Variants in PLEKHA4 observed in about 807,000 individuals in gnomAD.
The protein encoded by PLEKHA4 is pleckstrin homology domain-containing family A member 4.
In PLEKHA4, 73 loss-of-function variants were observed where a neutral mutation model predicts 94.7. The observed-to-expected ratio is 0.77, with a 90% CI of 0.64 to 0.94. The LOEUF (loss-of-function observed/expected upper bound fraction) is 0.94. Ranked by LOEUF, PLEKHA4 falls within the 40% of genes least tolerant of loss-of-function variation. The pLI is 0.00. For missense variants in PLEKHA4, 1,049 were observed against 1,054.1 expected, an observed-to-expected ratio of 1.00 and a Z score of 0.07; for synonymous variants, 449 against 437.1, an observed-to-expected ratio of 1.03 and a Z score of -0.34.
At chr19:48,857,636 A>G (rs1269687603) in intron 8 of PLEKHA4, 140 bp from the exon 9 acceptor site, 7 of 614,344 alleles carry the variant, frequency 1.1e-5, no homozygotes, top group Non-Finnish European at 2.0e-5. Flanking sequence ...TGCTCTCTGA[A>G]ACATGTGCTG....
intron 5 of PLEKHA4, 50 bp downstream of exon 5, chr19:48,861,351 T>G (rs1476172199): frequency 1.4e-6 from 2 of 1,480,132 alleles, no homozygotes; most frequent in African/African-American, 1.4e-5. Context: ...CTACCCGCCC[T>G]CATCTCCAGT....
rs540978224 is a variant in PLEKHA4, at chr19:48,841,210, C to T, written c.1844G>A (p.Arg615Gln). The T allele has an allele frequency of 1.3e-4, 216 of 1,612,886 alleles. No homozygotes were observed. The highest frequency in any genetic ancestry group is 1.8e-4 in the Non-Finnish European group (207 of 1,179,612). ...CAGTGTCCTTCCCAGGGTGAGAAGC[C>T]GGGGGGAGGTCGGGCGAGGGAAGGG... ...GRPFPRPTSP[R>Q]LLTLGRTLSP... Residue 615 changes from arginine (R) to glutamine (Q), a missense_variant, in exon 17 of 20, where the codon CGG becomes CAG. Arg to Gln is a conservative substitution (Grantham distance 43, BLOSUM62 1). Transcript: ENST00000263265.
At chr19:48,839,414 T>C (rs1055554611) in intron 17 of PLEKHA4, 151 bp from the exon 18 acceptor site, 27 of 476,020 alleles carry the variant, frequency 5.7e-5, no homozygotes, top group Non-Finnish European at 9.9e-5. Context: ...CTGTAGGCAC[T>C]GAATTTTTAA....
chr19:48,864,068 C>A (rs996411843), intron 3 of PLEKHA4, among the ~76,000 whole-genome samples: 6 of 152,274 alleles, frequency 3.9e-5, no homozygotes, highest in Admixed American at 2.6e-4. Context: ...ACTTTGAGAA[C>A]CACTGCTCTG....
Position 48,841,216 on chromosome 19 carries a change from G to GA in PLEKHA4, c.1837dup (p.Ser613PhefsTer19). 1 of 1,613,280 alleles carries GA rather than the reference G, an allele frequency of 6.2e-7. No homozygotes were observed. The highest frequency in any genetic ancestry group is 8.5e-7 in the Non-Finnish European group (1 of 1,179,770). Reference sequence around the variant, plus strand: ...CCTTCCCAGGGTGAGAAGCCGGGGGGAGGTCGGGCGAGGGAAGGGCCGTCC... The same window carrying GA: ...CCTTCCCAGGGTGAGAAGCCGGGGGGAAGGTCGGGCGAGGGAAGGGCCGTCC... On this transcript the variant is annotated frameshift_variant, in exon 17 of 20. Coordinates refer to ENST00000263265, the MANE Select transcript of PLEKHA4 (RefSeq NM_020904.3). LOFTEE classifies it high-confidence loss of function.
At chr19:48,849,094 CAG>C (rs930154533) in intron 13 of PLEKHA4, among the ~76,000 whole-genome samples, 12 of 151,774 alleles carry the variant, frequency 7.9e-5, no homozygotes, top group African/African-American at 2.7e-4. Flanking sequence ...TTAGTAGAGA[CAG>C]AGTTTCACCA....
At position 48,854,079 on chromosome 19, in the gene PLEKHA4, C is replaced by A; in HGVS notation, c.1104G>T (p.Leu368=). 6.2e-7 allele frequency: 1 copy of A among 1,614,166 alleles called. No individual in the cohort carries two copies. Among genetic ancestry groups the A allele is most frequent in the South Asian group, 1.1e-5 (1 of 91,078 alleles). The change falls in exon 11 of 20, where the codon CTG becomes CTT. Residue 368 remains leucine, a synonymous_variant. Coordinates refer to ENST00000263265, the MANE Select transcript of PLEKHA4 (RefSeq NM_020904.3). ...FHQSLETDTL[L]TKLCGQDRLL... ...GCCGGTCCTGCCCGCACAACTTGGT[C>A]AGCAGCGTCTGGAGAAAGGAGAGCG... is the stretch of plus-strand genomic sequence containing the variant.
chr19:48,854,529 G>A (rs1285305171), intron 9 of PLEKHA4, among the ~76,000 whole-genome samples: 2 of 151,352 alleles, frequency 1.3e-5, no homozygotes, highest in Non-Finnish European at 2.9e-5. Context: ...CATCATGCCC[G>A]GCTAATTTTT....
intron 14 of PLEKHA4, among the ~76,000 whole-genome samples, chr19:48,846,897 GAC>G (rs1439360143): frequency 6.6e-6 from 1 of 152,162 alleles, no homozygotes; most frequent in Non-Finnish European, 1.5e-5. Flanking sequence ...TTTTATTTGA[GAC>G]ACAGTCTCGC....
chr19:48,863,515 C>G (rs1293571581), intron 3 of PLEKHA4, among the ~76,000 whole-genome samples: 1 of 151,156 alleles, frequency 6.6e-6, no homozygotes, highest in African/African-American at 2.4e-5. Flanking sequence ...GCTGCAAGCT[C>G]CACCTCCTGG....
chr19:48,861,134 G>T (rs2036622363), intron 5 of PLEKHA4, among the ~76,000 whole-genome samples: 1 of 152,158 alleles, frequency 6.6e-6, no homozygotes, highest in Non-Finnish European at 1.5e-5. Context: ...GTTGAACCCA[G>T]GAGGCGGAGG....
Position 48,837,124 on chromosome 19 carries a change from T to C in PLEKHA4, c.*165A>G. ...AAAGTTCAAAGTTTTAATCCAAATT[T>C]AGACAGTGTTGAGAAAACCAAACTT... On this transcript the variant is annotated 3_prime_UTR_variant, in exon 20 of 20. Coordinates refer to ENST00000263265, the MANE Select transcript of PLEKHA4 (RefSeq NM_020904.3). The surrounding 1 kb of genome is among the most constrained non-coding windows in gnomAD (Gnocchi z 4.3). 2 of 876,334 alleles carry C rather than the reference T, an allele frequency of 2.3e-6. No homozygotes were observed. The allele number at this position is 876,334 out of a possible 1,614,324, so 54.3% of individuals were successfully genotyped here. A position where few individuals can be genotyped will look rare whatever the true frequency, so the allele number is the denominator to read the frequency against.
intron 9 of PLEKHA4, among the ~76,000 whole-genome samples, chr19:48,856,355 G>A (rs1200871749): frequency 3.8e-5 from 5 of 131,584 alleles, no homozygotes; most frequent in East Asian, 1.9e-4. Context: ...AGGCCGAGGC[G>A]GGCAGATCAC....
At chr19:48,865,162 G>T (rs2123185964) in intron 3 of PLEKHA4, among the ~76,000 whole-genome samples, 1 of 152,108 alleles carries the variant, frequency 6.6e-6, no homozygotes, top group South Asian at 2.1e-4. Context: ...TGGCCAACAT[G>T]ATAAAACCCC....
rs763288404 is a variant in PLEKHA4 at position 48,837,302 on chromosome 19, T to C, written c.2327A>G (p.Gln776Arg). The change falls in exon 20 of 20, where the codon CAA (glutamine) becomes CGA (arginine). Residue 776 changes from glutamine to arginine, a missense_variant. Gln to Arg is a conservative substitution (Grantham distance 43, BLOSUM62 1). Coordinates refer to ENST00000263265, the MANE Select transcript of PLEKHA4 (RefSeq NM_020904.3). This position sits in a 1 kb window ranked among gnomAD's most constrained non-coding sequence, Gnocchi z 4.3. Reference sequence around the variant, plus strand: ...CTTTTGGGCGGATTAGAAGCTGGATTGTAGCAGAGTGACTCGCAGAGGCCA... The same window carrying C: ...CTTTTGGGCGGATTAGAAGCTGGATCGTAGCAGAGTGACTCGCAGAGGCCA... ...GAWPLRVTLLQSSF is the reference protein window; with the variant it reads ...GAWPLRVTLLRSSF The C allele has an allele frequency of 3.7e-6, 6 of 1,613,824 alleles. No individual in the cohort carries two copies. The highest frequency in any genetic ancestry group is 1.6e-4 in the Middle Eastern group (1 of 6,080).
At chr19:48,842,371 G>A (rs2035803364) in intron 16 of PLEKHA4, among the ~76,000 whole-genome samples, 1 of 151,954 alleles carries the variant, frequency 6.6e-6, no homozygotes. Flanking sequence ...GGCTGGTCTT[G>A]AACTCCTGAT....
At position 48,853,777 on chromosome 19, in the gene PLEKHA4, T is replaced by G. The variant is rs545312378; in HGVS notation, c.1231A>C (p.Arg411=). The G allele has an allele frequency of 6.8e-5, 110 of 1,613,502 alleles. No individual in the cohort carries two copies. Among genetic ancestry groups the G allele is most frequent in the Non-Finnish European group, 8.5e-5 (100 of 1,179,804 alleles). The change falls in exon 12 of 20, where the codon AGG becomes CGG. Residue 411 remains arginine (R), a synonymous_variant. Transcript: ENST00000263265. ...LTRQQLGQAT[R]EAGAPGRAWG... Reference sequence around the variant, plus strand: ...GCCCTCCCGGGAGCCCCAGCCTCCCTGGTGGCTTGGCCCAGCTGTTGCCGG... The same window carrying G: ...GCCCTCCCGGGAGCCCCAGCCTCCCGGGTGGCTTGGCCCAGCTGTTGCCGG...
chr19:48,849,112 C>T (rs2036085660), intron 13 of PLEKHA4, among the ~76,000 whole-genome samples: 1 of 151,758 alleles, frequency 6.6e-6, no homozygotes, highest in Non-Finnish European at 1.5e-5. Flanking sequence ...CACCATGTTG[C>T]CCAGGCTAGC....
At position 48,837,886 on chromosome 19, in the gene PLEKHA4, C is replaced by A. The variant is rs975562402; in HGVS notation, c.2077+131G>T. The A allele has an allele frequency of 1.4e-5, 11 of 759,772 alleles. No homozygotes were observed. The highest frequency in any genetic ancestry group is 1.1e-4 in the Admixed American group (4 of 37,260). 47.1% of individuals were successfully genotyped at this position (759,772 alleles called of 1,614,324 possible). A position where few individuals can be genotyped will look rare whatever the true frequency, so the allele number is the denominator to read the frequency against. The stretch of plus-strand genomic sequence containing the variant: ...TGAGACCTAAAACTCCCAAACCCTG[C>A]CCAACTCTTTACTCACCAAGATAAA... On this transcript the variant is annotated intron_variant, in intron 19 of 19. Coordinates refer to ENST00000263265, the MANE Select transcript of PLEKHA4 (RefSeq NM_020904.3). The surrounding 1 kb of genome is among the most constrained non-coding windows in gnomAD (Gnocchi z 4.3).
Sources: gnomAD v4.1 joint callset for allele counts (sites outside exome capture counted in the v4.1 genomes callset) on GRCh38, gnomAD v4.1.1 for gene constraint, Gnocchi (gnomAD v3.1) non-coding constraint, MANE v1.5 for transcripts, NCBI Gene and HGNC (gene_info 2026-07-23, HGNC 2026-07-21) for gene names.